Variants in ITSN1 observed in about 807,000 individuals in gnomAD.
ITSN1 encodes intersectin-1.
ITSN1 carries 58 observed loss-of-function variants against 239.8 expected under a neutral mutation model. The observed-to-expected ratio is 0.24, with a 90% confidence interval of 0.20 to 0.30. The LOEUF is 0.30. Ranked by LOEUF, ITSN1 falls within the 10% of genes least tolerant of loss-of-function variation. The pLI, the probability that ITSN1 is intolerant of heterozygous loss-of-function variation, is 1.00. For synonymous variants in ITSN1, 780 were observed against 770.8 expected, an observed-to-expected ratio of 1.01 and a Z score of -0.20; for missense variants, 1,558 against 2,103.3, an observed-to-expected ratio of 0.74 and a Z score of 5.07.
chr21:33,692,611 A>C (rs1297534357), intron 1 of ITSN1, among the ~76,000 whole-genome samples: 1 of 152,190 alleles, frequency 6.6e-6, no homozygotes, highest in Non-Finnish European at 1.5e-5. Context: ...GTTTCTTTAT[A>C]CAACAGAATA....
intron 28 of ITSN1, among the ~76,000 whole-genome samples, chr21:33,834,714 T>A (rs1300711587): frequency 6.6e-6 from 1 of 152,176 alleles, no homozygotes; most frequent in Non-Finnish European, 1.5e-5. Context: ...CTTGATTTCC[T>A]TCCAGCCATT....
At chr21:33,817,033 A>G (rs2148249644) in intron 22 of ITSN1, among the ~76,000 whole-genome samples, 1 of 152,314 alleles carries the variant, frequency 6.6e-6, no homozygotes, top group African/African-American at 2.4e-5. Flanking sequence ...ACTTAATGTC[A>G]GTATAATATA....
At chr21:33,716,339 TGAAGCACGGGA>T (rs1435022662) in intron 1 of ITSN1, 1 of 151,940 alleles carries the variant, frequency 6.6e-6, no homozygotes, top group Non-Finnish European at 1.5e-5. Context: ...ACTAGAGAGG[TGAAGCACGGGA>T]TTGAAAGTCA....
In ITSN1 at chr21:33,882,434, G is replaced by A; in HGVS notation, c.4533G>A (p.Leu1511=). The A allele has an allele frequency of 1.9e-6, 3 of 1,614,022 alleles. No homozygotes were observed. The highest frequency in any genetic ancestry group is 2.5e-6 in the Non-Finnish European group (3 of 1,179,962). Residue 1511 remains leucine, a synonymous_variant, in exon 35 of 40, where the codon CTG becomes CTA. Coordinates refer to ENST00000381318, the MANE Select transcript of ITSN1 (RefSeq NM_003024.3). This position sits in a 1 kb window ranked among gnomAD's most constrained non-coding sequence, Gnocchi z 4.5. ...AAGTCTTCAGCCCCAAATCAAACCT[G>A]CAGTATAAAATGTATAAAACAGTAA... The part of the protein sequence containing the change: ...TDKVFSPKSN[L]QYKMYKTPIF...
At chr21:33,742,244 A>T (rs2066906009) in intron 5 of ITSN1, among the ~76,000 whole-genome samples, 1 of 151,726 alleles carries the variant, frequency 6.6e-6, no homozygotes, top group Admixed American at 6.6e-5. Context: ...TTTAGTAGAG[A>T]CGGGGTTTCA....
At chr21:33,838,448 C>T in intron 29 of ITSN1, 1 of 981,690 alleles carries the variant, frequency 1.0e-6, no homozygotes, top group East Asian at 1.1e-4. Context: ...GTAATACAAC[C>T]TTTTGAATTA....
chr21:33,838,106 T>G (rs1421837994), intron 29 of ITSN1: 1 of 985,604 alleles, frequency 1.0e-6, no homozygotes, highest in African/African-American at 1.7e-5. Context: ...GGTCCGTTTG[T>G]GTGTTAGATA....
intron 33 of ITSN1, among the ~76,000 whole-genome samples, chr21:33,871,028 G>T (rs1982612256): frequency 6.6e-6 from 1 of 152,124 alleles, no homozygotes; most frequent in Non-Finnish European, 1.5e-5. Context: ...CTGCTCGAGA[G>T]GCTGAGGCAG....
At chr21:33,659,705 C>CTTTTTTTTTTTTT (rs71194859) in intron 1 of ITSN1, among the ~76,000 whole-genome samples, 1 of 76,608 alleles carries the variant, frequency 1.3e-5, no homozygotes, top group Non-Finnish European at 2.3e-5. Context: ...GCAGCCTGTA[C>CTTTTTTTTTTTTT]TTTTTTTTTT....
intron 29 of ITSN1, chr21:33,837,634 G>C (rs2074668197): frequency 2.0e-6 from 2 of 985,884 alleles, no homozygotes; most frequent in African/African-American, 3.5e-5. Flanking sequence ...TGTATCAGCT[G>C]TACCTTGTTG....
chr21:33,863,454 G>C (rs867560592), intron 31 of ITSN1, among the ~76,000 whole-genome samples: 6 of 152,152 alleles, frequency 3.9e-5, no homozygotes. Flanking sequence ...TCAGCAGTTC[G>C]AGACCAGCCT....
At chr21:33,722,930 A>G (rs1156858389) in intron 4 of ITSN1, among the ~76,000 whole-genome samples, 2 of 152,208 alleles carry the variant, frequency 1.3e-5, no homozygotes, top group South Asian at 4.1e-4. Context: ...TTCCTTCACC[A>G]ATTAGTTTTG....
intron 6 of ITSN1, 113 bp from the exon 7 acceptor site, chr21:33,751,697 A>G (rs2067565702): frequency 1.3e-6 from 1 of 775,092 alleles, no homozygotes; most frequent in Non-Finnish European, 2.1e-6. Context: ...GGCTGGCAAG[A>G]AGGGGGAATT....
chr21:33,832,903 T>A (rs926268273), intron 27 of ITSN1, among the ~76,000 whole-genome samples: 1 of 152,198 alleles, frequency 6.6e-6, no homozygotes, highest in Non-Finnish European at 1.5e-5. Flanking sequence ...TAGGTAATTA[T>A]AGTCACATGG....
chr21:33,728,087 C>T (rs2065939208), intron 4 of ITSN1, among the ~76,000 whole-genome samples: 1 of 151,898 alleles, frequency 6.6e-6, no homozygotes, highest in Non-Finnish European at 1.5e-5. Flanking sequence ...GCATCAGCAC[C>T]TTGACTAACT....
At chr21:33,680,207 A>G (rs2090859208) in intron 1 of ITSN1, among the ~76,000 whole-genome samples, 3 of 151,624 alleles carry the variant, frequency 2.0e-5, no homozygotes, top group South Asian at 2.1e-4. Context: ...ATTCCTCTGG[A>G]TGTTTGTTGT....
intron 29 of ITSN1, among the ~76,000 whole-genome samples, chr21:33,843,019 G>A (rs2074877128): frequency 1.3e-5 from 2 of 152,140 alleles, no homozygotes; most frequent in African/African-American, 4.8e-5. Flanking sequence ...AGTGAGGAAA[G>A]GCCTGGGCTG....
chr21:33,780,325 A>C (rs1477450208), intron 14 of ITSN1, among the ~76,000 whole-genome samples: 1 of 152,254 alleles, frequency 6.6e-6, no homozygotes, highest in Admixed American at 6.5e-5. Context: ...TAATGAAGTG[A>C]AAAATAAAAC....
Position 33,811,030 on chromosome 21 carries a change from A to G in ITSN1, c.2375A>G (p.Lys792Arg). The change falls in exon 21 of 40, where the codon AAG becomes AGG. Residue 792 changes from lysine (K) to arginine (R), a missense_variant. This residue lies in a region of ITSN1 where 982 missense variants were observed against 1,209.9 expected (regional missense o/e 0.81). Transcript: ENST00000381318. Reference protein sequence around the residue: ...PGWLGGELKGKTGWFPANYAE... With the variant: ...PGWLGGELKGRTGWFPANYAE... The stretch of plus-strand genomic sequence containing the variant: ...TGGCTTGGAGGAGAATTAAAAGGAA[A>G]GACAGGGTGGTTCCCTGCAAACTAT... 6.2e-7 allele frequency: 1 copy of G among 1,614,212 alleles called. No individual in the cohort carries two copies. The highest frequency in any genetic ancestry group is 8.5e-7 in the Non-Finnish European group (1 of 1,180,022).
Sources: gnomAD v4.1 joint callset for allele counts (sites outside exome capture counted in the v4.1 genomes callset) on GRCh38, gnomAD v4.1.1 for gene constraint, gnomAD v4.1.1 regional missense constraint, Gnocchi (gnomAD v3.1) non-coding constraint, MANE v1.5 for transcripts, NCBI Gene and HGNC (gene_info 2026-07-23, HGNC 2026-07-21) for gene names.